Variants in PVT1 observed in about 807,000 individuals in gnomAD.
PVT1 encodes the protein CXCR4/PVT1 fusion.
At chr8:128,056,769 T>A (rs1213895686) in intron 4 of PVT1, among the ~76,000 whole-genome samples, 1 of 152,200 alleles carries the variant, frequency 6.6e-6, no homozygotes, top group African/African-American at 2.4e-5. Flanking sequence ...ACCTAGAATC[T>A]GGTTATTTCA....
chr8:127,962,036 G>A (rs941010668), intron 3 of PVT1, among the ~76,000 whole-genome samples: 1 of 152,208 alleles, frequency 6.6e-6, no homozygotes, highest in South Asian at 2.1e-4. Context: ...GTGCAGTGGC[G>A]CGATCTCGCC....
chr8:128,024,899 G>A (rs770698094), intron 4 of PVT1, among the ~76,000 whole-genome samples: 15 of 152,178 alleles, frequency 9.9e-5, no homozygotes, highest in Non-Finnish European at 2.1e-4. Context: ...GTGGGGTCTC[G>A]CTATGTTGAC....
In PVT1 at chr8:128,022,243, G is replaced by A. The variant is rs533965873; in HGVS notation, n.912+32952G>A. Among the ~76,000 whole-genome samples, 129 of 152,256 alleles carry A rather than the reference G, an allele frequency of 8.5e-4. 1 individual carries two copies. The highest frequency in any genetic ancestry group is 3.4e-3 in the Middle Eastern group (1 of 294). ...AACCAGGACATTTTAAGGTGGGGAC[G>A]GGGTGGGAGTGGATCAATTAACTTG... On this transcript the variant is annotated intron_variant and non_coding_transcript_variant, in intron 4 of 10. Transcript: ENST00000651587.
chr8:127,866,482 C>T (rs1329588753), intron 2 of PVT1, among the ~76,000 whole-genome samples: 3 of 152,254 alleles, frequency 2.0e-5, no homozygotes, highest in African/African-American at 7.2e-5. Context: ...TGCCTTCCTT[C>T]AGTGTCCCCT....
chr8:128,051,455 T>A (rs1229079380), intron 4 of PVT1, among the ~76,000 whole-genome samples: 1 of 152,216 alleles, frequency 6.6e-6, no homozygotes. Context: ...TTATTTGGAC[T>A]TCATGGATTG....
chr8:127,860,907 T>C (rs1001265822), intron 2 of PVT1, among the ~76,000 whole-genome samples: 1 of 151,758 alleles, frequency 6.6e-6, no homozygotes, highest in Non-Finnish European at 1.5e-5. Context: ...CCTTGAAGAG[T>C]GTCTTTCACA....
intron 3 of PVT1, among the ~76,000 whole-genome samples, chr8:127,957,006 A>G (rs1816578245): frequency 6.6e-6 from 1 of 152,322 alleles, no homozygotes; most frequent in African/African-American, 2.4e-5. Context: ...CTCTCTAGTG[A>G]TTAACCAGTC....
intron 4 of PVT1, among the ~76,000 whole-genome samples, chr8:128,047,625 A>G (rs1425584270): frequency 6.6e-6 from 1 of 152,216 alleles, no homozygotes. Flanking sequence ...GCAGAAACAC[A>G]TGCATGATGA....
intron 3 of PVT1, chr8:127,948,256 G>A (rs925638937): frequency 7.1e-6 from 2 of 282,716 alleles, no homozygotes; most frequent in Admixed American, 4.6e-5. Flanking sequence ...GAGCACAGAG[G>A]TATTCCCTGA....
chr8:128,008,234 T>A (rs1817270769), intron 4 of PVT1, among the ~76,000 whole-genome samples: 1 of 152,208 alleles, frequency 6.6e-6, no homozygotes, highest in Admixed American at 6.5e-5. Flanking sequence ...TACTGTGAAA[T>A]TTTGTTTACG....
At chr8:127,971,323 C>A (rs1322729964) in intron 3 of PVT1, among the ~76,000 whole-genome samples, 1 of 152,258 alleles carries the variant, frequency 6.6e-6, no homozygotes, top group African/African-American at 2.4e-5. Flanking sequence ...CCCTGATCCC[C>A]TGCTCCTCTG....
At chr8:127,998,548 TC>T (rs1371743298) in intron 4 of PVT1, among the ~76,000 whole-genome samples, 11 of 150,498 alleles carry the variant, frequency 7.3e-5, no homozygotes, top group African/African-American at 2.7e-4. Flanking sequence ...TCTCTCTCTC[TC>T]TCTCTCTCTT....
At chr8:128,079,860 G>T (rs532145152) in intron 5 of PVT1, among the ~76,000 whole-genome samples, 8 of 152,204 alleles carry the variant, frequency 5.3e-5, no homozygotes, top group African/African-American at 1.9e-4. Flanking sequence ...GAGTAGTTGG[G>T]ACTATAGGCA....
At chr8:128,080,977 G>A (rs767026959) in intron 5 of PVT1, among the ~76,000 whole-genome samples, 7 of 152,076 alleles carry the variant, frequency 4.6e-5, no homozygotes, top group Non-Finnish European at 1.0e-4. Flanking sequence ...ATCTTTCCTC[G>A]ATTGCAATGT....
intron 2 of PVT1, among the ~76,000 whole-genome samples, chr8:127,846,791 C>T (rs908587023): frequency 2.0e-5 from 3 of 151,658 alleles, no homozygotes; most frequent in Non-Finnish European, 4.4e-5. Flanking sequence ...CCTGCCTCAC[C>T]CTCCCAAGTA....
chr8:128,051,695 A>G (rs2130106169), intron 4 of PVT1, among the ~76,000 whole-genome samples: 1 of 151,856 alleles, frequency 6.6e-6, no homozygotes, highest in East Asian at 1.9e-4. Flanking sequence ...CATTGATTCC[A>G]TCTTCTGGTC....
At chr8:127,881,463 TA>T (rs11323681) in intron 2 of PVT1, among the ~76,000 whole-genome samples, 29,900 of 146,362 alleles carry the variant, frequency 0.2, 4,573 homozygotes, top group African/African-American at 0.4. Context: ...TTATTATTAT[TA>T]TTTCAGATGG....
In PVT1 at chr8:127,971,840, G is replaced by A. The variant is rs147773349; in HGVS notation, n.783-17322G>A. ...ACAGAAACGGGCTGTTATTATCGAG[G>A]CTTCAGGCTGTTTACTGAGGATTCT... is the stretch of plus-strand genomic sequence containing the variant. On this transcript the variant is annotated intron_variant and non_coding_transcript_variant, in intron 3 of 10. Transcript: ENST00000651587. Among the ~76,000 whole-genome samples the A allele has an allele frequency of 4.7e-3, 709 of 152,238 alleles. 6 individuals carry two copies. The highest frequency in any genetic ancestry group is 0.016 in the African/African-American group (662 of 41,500).
chr8:127,903,758 T>A (rs1815787494), intron 3 of PVT1, among the ~76,000 whole-genome samples: 1 of 152,218 alleles, frequency 6.6e-6, no homozygotes, highest in Non-Finnish European at 1.5e-5. Flanking sequence ...TATTTCTGGA[T>A]TCTCTATTCT....
Sources: gnomAD v4.1 joint callset for allele counts (sites outside exome capture counted in the v4.1 genomes callset) on GRCh38, gnomAD v4.1.1 for gene constraint, MANE v1.5 for transcripts, NCBI Gene and HGNC (gene_info 2026-07-23, HGNC 2026-07-21) for gene names.